Variants in TAF4 observed in about 807,000 individuals in gnomAD.
The protein encoded by TAF4 is TATA-box binding protein associated factor 4, also known as transcription initiation factor TFIID subunit 4.
A neutral mutation model predicts 90.3 loss-of-function variants in TAF4; 9 were observed. That is an observed-to-expected ratio of 0.10 (90% CI 0.06 to 0.17). The LOEUF (loss-of-function observed/expected upper bound fraction) is 0.17, where lower values mean the gene tolerates loss of function less well. Ranked by LOEUF, TAF4 falls within the 10% of genes least tolerant of loss-of-function variation. The pLI is 1.00. For synonymous variants in TAF4, 818 were observed against 638.9 expected (o/e 1.28, Z -4.23); for missense variants, 1,351 against 1,370.7 (o/e 0.99, Z 0.23).
chr20:62,014,439 G>A, intron 2 of TAF4, 108 bp downstream of exon 2: 1 of 1,378,282 alleles, frequency 7.3e-7, no homozygotes, highest in Non-Finnish European at 9.5e-7. Context: ...ACACTTCCCA[G>A]TCCTCACTCC....
intron 1 of TAF4, chr20:62,064,228 G>C: frequency 2.3e-6 from 1 of 442,562 alleles, no homozygotes; most frequent in Non-Finnish European, 3.8e-6. Flanking sequence ...GCGGACGTCA[G>C]GGACAGCGAC....
chr20:62,041,473 C>A (rs1054420844), intron 1 of TAF4, among the ~76,000 whole-genome samples: 15 of 152,010 alleles, frequency 9.9e-5, no homozygotes, highest in South Asian at 2.1e-4. Flanking sequence ...ACTAAAAATA[C>A]AAAAAATCAG....
intron 1 of TAF4, among the ~76,000 whole-genome samples, chr20:62,050,704 T>G (rs547547015): frequency 6.6e-6 from 1 of 152,092 alleles, no homozygotes. Context: ...CTGCTGCTGA[T>G]AGGACGGGCA....
chr20:61,984,515 C>T (rs528522156), intron 14 of TAF4, among the ~76,000 whole-genome samples: 6 of 152,332 alleles, frequency 3.9e-5, no homozygotes, highest in African/African-American at 1.2e-4. Context: ...TGAAAAGCTA[C>T]GGGACATCAG....
intron 14 of TAF4, among the ~76,000 whole-genome samples, chr20:61,987,328 G>A (rs576599774): frequency 2.0e-5 from 3 of 152,232 alleles, no homozygotes; most frequent in South Asian, 4.2e-4. Flanking sequence ...CCAAGGAGCC[G>A]AGGAGCCGCG....
chr20:62,020,842 A>T (rs1436986641), intron 1 of TAF4, among the ~76,000 whole-genome samples: 1 of 152,254 alleles, frequency 6.6e-6, no homozygotes, highest in East Asian at 1.9e-4. Flanking sequence ...GGAAGAACAG[A>T]TGAGAAAATG....
At position 62,064,424 on chromosome 20, in the gene TAF4, TCC is replaced by T. The variant is rs763186233; in HGVS notation, c.1360+25_1360+26del. 4.5e-5 allele frequency: 58 copies of T among 1,290,182 alleles called. No homozygotes were observed. The South Asian group carries it at 1.3e-3, about 29-fold the overall frequency. The allele number at this position is 1,290,182 out of a possible 1,614,324, so 79.9% of individuals were successfully genotyped here. A position where few individuals can be genotyped will look rare whatever the true frequency, so the allele number is the denominator to read the frequency against. On this transcript the variant is annotated intron_variant, in intron 1 of 14. Coordinates refer to ENST00000252996, the MANE Select transcript of TAF4 (RefSeq NM_003185.4). ...AGCTGGCGCTGCTGGGAGCCGCCCT[TCC>T]CTCCCGCCCCGTGCGGCCACTCACC... is the stretch of plus-strand genomic sequence containing the variant.
chr20:62,050,589 A>G (rs917253861), intron 1 of TAF4, among the ~76,000 whole-genome samples: 4 of 152,136 alleles, frequency 2.6e-5, no homozygotes, highest in Admixed American at 6.5e-5. Flanking sequence ...CAAAGCCCCA[A>G]TAAAAAGAGA....
intron 1 of TAF4, among the ~76,000 whole-genome samples, chr20:62,027,597 C>A (rs1158038889): frequency 6.6e-6 from 1 of 152,204 alleles, no homozygotes; most frequent in African/African-American, 2.4e-5. Context: ...GTCTCCGTTT[C>A]TCCTGCCAAC....
Position 62,010,042 on chromosome 20 carries a change from T to C in TAF4, c.1761+4A>G. 2 of 1,613,150 alleles carry C rather than the reference T, an allele frequency of 1.2e-6. No homozygotes were observed. The highest frequency in any genetic ancestry group is 1.7e-6 in the Non-Finnish European group (2 of 1,179,928). On this transcript the variant is annotated splice_donor_region_variant and intron_variant, in intron 4 of 14. Transcript: ENST00000252996. The surrounding 1 kb of genome is among the most constrained non-coding windows in gnomAD (Gnocchi z 4.5). ...TTGAAGGCACGGAAAGGAGTGGCTC[T>C]TACCGTGGCAGCTGAGGAAGTGGTG...
chr20:62,032,542 C>G (rs1156400454), intron 1 of TAF4, among the ~76,000 whole-genome samples: 1 of 152,252 alleles, frequency 6.6e-6, no homozygotes, highest in Non-Finnish European at 1.5e-5. Flanking sequence ...GGTGGCCCAC[C>G]AGGGCCTCGG....
chr20:62,028,620 GT>G (rs2055887049), intron 1 of TAF4, among the ~76,000 whole-genome samples: 1 of 152,132 alleles, frequency 6.6e-6, no homozygotes, highest in Non-Finnish European at 1.5e-5. Context: ...CCGTGAACAG[GT>G]ACAGTGCACA....
intron 6 of TAF4, chr20:62,007,001 T>C (rs2055750375): frequency 6.9e-6 from 3 of 436,684 alleles, no homozygotes; most frequent in Non-Finnish European, 1.1e-5. Context: ...AAAAGAGACA[T>C]ATTTTTAAAA....
chr20:62,014,025 T>TGTGTGTGGGTGTGTGG (rs2055797535), intron 2 of TAF4, among the ~76,000 whole-genome samples: 2 of 90,242 alleles, frequency 2.2e-5, no homozygotes, highest in African/African-American at 9.6e-5. Flanking sequence ...TGTGGGTGTG[T>TGTGTGTGGGTGTGTGG]GTGTGTGTGT....
At position 62,065,286 on chromosome 20, in the gene TAF4, C is replaced by G. The variant is rs1314342593; in HGVS notation, c.525G>C (p.Gly175=). The G allele has an allele frequency of 1.0e-3, 906 of 874,838 alleles. 2 individuals carry two copies. The East Asian group carries it at 0.019, about 18-fold the overall frequency. 54.2% of individuals were successfully genotyped at this position (874,838 alleles called of 1,614,324 possible). ...GGCCGGGGCCGGGGCCGGGGCCGGGCCCGGGGCCGGGGCCGGCGCGGGCGG... is the reference window on the plus strand; with the variant it reads ...GGCCGGGGCCGGGGCCGGGGCCGGGGCCGGGGCCGGGGCCGGCGCGGGCGG... ...ALAARAGPGP[G]PGPGPGPGPG... is the part of the protein sequence containing the mutation. Residue 175 remains glycine (G), a synonymous_variant, in exon 1 of 15, where the codon GGG becomes GGC. Coordinates refer to ENST00000252996, the MANE Select transcript of TAF4 (RefSeq NM_003185.4).
chr20:62,065,878 G>T lies in TAF4; in HGVS notation c.-68C>A, dbSNP rs999030132. The T allele has an allele frequency of 3.2e-5, 34 of 1,073,634 alleles. No homozygotes were observed. In the Admixed American group the frequency reaches 1.2e-3, roughly 39 times the overall value. The allele number at this position is 1,073,634 out of a possible 1,614,324, so 66.5% of individuals were successfully genotyped here. ...CGCGCCTGGGCGAGGAGGAGGTTCC[G>T]ACTGGGGCGGGCGCTGGGCGGGCGG... On this transcript the variant is annotated 5_prime_UTR_variant, in exon 1 of 15. Coordinates refer to ENST00000252996, the MANE Select transcript of TAF4 (RefSeq NM_003185.4).
At chr20:61,989,030 G>T (rs6089584) in intron 14 of TAF4, among the ~76,000 whole-genome samples, 1 of 151,928 alleles carries the variant, frequency 6.6e-6, no homozygotes, top group Non-Finnish European at 1.5e-5. Flanking sequence ...TACACTGAAT[G>T]ATGGGAACCA....
At chr20:62,005,050 A>G (rs1008821141) in intron 7 of TAF4, 3 of 152,434 alleles carry the variant, frequency 2.0e-5, no homozygotes, top group Admixed American at 2.0e-4. Flanking sequence ...GCTGCAGAAC[A>G]TGTGTGGGGA....
chr20:62,064,856 C>A lies in TAF4; in HGVS notation c.955G>T (p.Ala319Ser), dbSNP rs867759267. 5.8e-5 allele frequency: 55 copies of A among 945,840 alleles called. 1 individual carries two copies. In the Middle Eastern group the frequency reaches 1.7e-3, roughly 29 times the overall value. 58.6% of individuals were successfully genotyped at this position (945,840 alleles called of 1,614,324 possible). A position where few individuals can be genotyped will look rare whatever the true frequency, so the allele number is the denominator to read the frequency against. Residue 319 changes from alanine to serine, a missense_variant, in exon 1 of 15, where the codon GCC becomes TCC. Around this residue, in one of 9 missense-constraint regions of TAF4, gnomAD observed 782 missense variants for 536.6 expected, o/e 1.46. Transcript: ENST00000252996. Reference protein sequence around the residue: ...AGAAPAPAPAAGGPAGVSGQP... With the variant: ...AGAAPAPAPASGGPAGVSGQP... ...CCGCTGACCCCCGCGGGGCCCCCGG[C>A]GGCCGGGGCGGGGGCGGGGGCTGCC...
Sources: allele counts gnomAD v4.1 joint callset (sites outside exome capture counted in the v4.1 genomes callset), GRCh38; gene constraint gnomAD v4.1.1; regional missense constraint gnomAD v4.1.1; non-coding constraint Gnocchi (gnomAD v3.1); transcripts MANE v1.5; gene names NCBI Gene and HGNC (gene_info 2026-07-23, HGNC 2026-07-21).